FMN1: variants seen among roughly 807,000 people sequenced by gnomAD.
FMN1 encodes the protein formin 1.
A neutral mutation model predicts 132.4 loss-of-function variants in FMN1; 110 were observed. The observed-to-expected ratio is 0.83, with a 90% CI of 0.71 to 0.97. The LOEUF (loss-of-function observed/expected upper bound fraction) is 0.97. Ranked by LOEUF, FMN1 falls within the 50% of genes least tolerant of loss-of-function variation. The pLI, the probability that FMN1 is intolerant of heterozygous loss-of-function variation, is 0.00. For synonymous variants in FMN1, 722 were observed against 651.7 expected, an observed-to-expected ratio of 1.11 and a Z score of -1.64; for missense variants, 1,792 against 1,705.3, an observed-to-expected ratio of 1.05 and a Z score of -0.90.
intron 5 of FMN1, among the ~76,000 whole-genome samples, chr15:33,077,790 T>C (rs574781507): frequency 0.011 from 1,275 of 110,978 alleles, 8 homozygotes; most frequent in Non-Finnish European, 0.018. Flanking sequence ...TCAAACAAAT[T>C]TACAAAAAAA....
chr15:32,965,659 T>C (rs572682674), intron 8 of FMN1, among the ~76,000 whole-genome samples: 2 of 152,334 alleles, frequency 1.3e-5, no homozygotes, highest in African/African-American at 4.8e-5. Flanking sequence ...TGTTCACACT[T>C]TGCAATAGAT....
intron 16 of FMN1, among the ~76,000 whole-genome samples, chr15:32,886,075 T>C (rs1021902310): frequency 2.6e-5 from 4 of 152,166 alleles, no homozygotes; most frequent in African/African-American, 9.7e-5. Context: ...AACGTTAAGA[T>C]GAAACGGACC....
chr15:33,154,533 G>A lies in FMN1; in HGVS notation c.382C>T (p.Pro128Ser), dbSNP rs558962614. The A allele has an allele frequency of 1.0e-4, 160 of 1,536,088 alleles. No homozygotes were observed. The African/African-American group carries it at 2.0e-3, about 19-fold the overall frequency. ...KLQELSVSLA[P>S]EDDCFQSAGD... ...GCACTCTGGAAACAGTCATCCTCGG[G>A]GGCCAGGCTCACGGACAGCTCTTGC... The change falls in exon 4 of 21, where the codon CCC (proline) becomes TCC (serine). Residue 128 changes from proline to serine, a missense_variant. Transcript: ENST00000616417.
At position 32,766,475 on chromosome 15, in the gene FMN1, G is replaced by A. The variant is rs1306575183; in HGVS notation, c.*7835C>T. Reference sequence around the variant, plus strand: ...GATGTACAAATTTATCAAGAGAATGGCCTTAATTAGTTTAAGGTAAAATCT... The same window carrying A: ...GATGTACAAATTTATCAAGAGAATGACCTTAATTAGTTTAAGGTAAAATCT... On this transcript the variant is annotated 3_prime_UTR_variant, in exon 21 of 21. Transcript: ENST00000616417. 3 of 152,110 alleles carry A rather than the reference G, an allele frequency of 2.0e-5. No homozygotes were observed. Among genetic ancestry groups the A allele is most frequent in the African/African-American group, 7.2e-5 (3 of 41,478 alleles). 9.4% of individuals were successfully genotyped at this position (152,110 alleles called of 1,614,324 possible). A position where few individuals can be genotyped will look rare whatever the true frequency, so the allele number is the denominator to read the frequency against.
intron 5 of FMN1, among the ~76,000 whole-genome samples, chr15:33,085,777 C>T (rs989292720): frequency 3.9e-5 from 6 of 151,930 alleles, no homozygotes; most frequent in Admixed American, 1.3e-4. Flanking sequence ...TTTGTAGTCA[C>T]GCTATTTTAT....
chr15:33,024,690 A>G (rs1296034424), intron 6 of FMN1, among the ~76,000 whole-genome samples: 1 of 152,256 alleles, frequency 6.6e-6, no homozygotes, highest in African/African-American at 2.4e-5. Context: ...AAAGGCGCAC[A>G]TAAGTAAAAT....
At chr15:33,048,120 A>G (rs1283891550) in intron 6 of FMN1, among the ~76,000 whole-genome samples, 2 of 116,558 alleles carry the variant, frequency 1.7e-5, no homozygotes, top group African/African-American at 6.3e-5. Flanking sequence ...GGGTAAAATA[A>G]AAATGTCTTC....
chr15:33,155,841 G>C (rs1287110665), intron 3 of FMN1, among the ~76,000 whole-genome samples: 1 of 152,260 alleles, frequency 6.6e-6, no homozygotes, highest in South Asian at 2.1e-4. Flanking sequence ...AGTGAAGGTG[G>C]CTGCTTCCTT....
intron 9 of FMN1, among the ~76,000 whole-genome samples, chr15:32,962,418 G>C (rs2140582687): frequency 6.6e-6 from 1 of 151,986 alleles, no homozygotes; most frequent in East Asian, 1.9e-4. Context: ...TTACCATTCA[G>C]GACATAGGCA....
intron 17 of FMN1, among the ~76,000 whole-genome samples, chr15:32,814,920 C>A (rs1217497379): frequency 1.4e-5 from 2 of 146,778 alleles, no homozygotes; most frequent in Non-Finnish European, 3.0e-5. Context: ...TGGTAATAGG[C>A]TGCATGTTTA....
chr15:32,801,656 G>A lies in FMN1; in HGVS notation c.3980+2625C>T, dbSNP rs900739793. Among the ~76,000 whole-genome samples the A allele has an allele frequency of 4.6e-5, 7 of 152,078 alleles. 1 individual carries two copies. The highest frequency in any genetic ancestry group is 1.9e-4 in the East Asian group (1 of 5,192). Reference sequence around the variant, plus strand: ...ACAAACAAAAAAAAATTATTCAGGCGTGGTGGTAGGCACCTGCAGGCCCAG... The same window carrying A: ...ACAAACAAAAAAAAATTATTCAGGCATGGTGGTAGGCACCTGCAGGCCCAG... On this transcript the variant is annotated intron_variant, in intron 18 of 20. Coordinates refer to ENST00000616417, the MANE Select transcript of FMN1 (RefSeq NM_001277313.2).
intron 3 of FMN1, among the ~76,000 whole-genome samples, chr15:33,163,599 GTTTTGTTTTGTT>G (rs2140305436): frequency 1.7e-5 from 1 of 59,772 alleles, no homozygotes; most frequent in South Asian, 6.5e-4. Flanking sequence ...TGGCTGTTTT[GTTTTGTTTTGTT>G]TTGTTTTGTT....
intron 9 of FMN1, among the ~76,000 whole-genome samples, chr15:32,947,161 C>T (rs557529948): frequency 3.6e-3 from 548 of 152,152 alleles, no homozygotes; most frequent in African/African-American, 0.013. Flanking sequence ...TTAAATGTTT[C>T]CTTTCTCATT....
At chr15:33,009,944 T>C (rs562040535) in intron 6 of FMN1, among the ~76,000 whole-genome samples, 10 of 152,270 alleles carry the variant, frequency 6.6e-5, no homozygotes, top group Non-Finnish European at 2.9e-5. Context: ...TAAAGTGCAA[T>C]GGCACGATCT....
chr15:32,832,101 A>C (rs1314485772), intron 17 of FMN1, among the ~76,000 whole-genome samples: 2 of 152,198 alleles, frequency 1.3e-5, no homozygotes, highest in African/African-American at 4.8e-5. Flanking sequence ...TGTTTTAAAA[A>C]CACCCGTATA....
At chr15:32,787,119 GAAAT>G (rs1157354390) in intron 19 of FMN1, among the ~76,000 whole-genome samples, 2 of 152,102 alleles carry the variant, frequency 1.3e-5, no homozygotes, top group Non-Finnish European at 2.9e-5. Context: ...AAAAGTCAAT[GAAAT>G]AAGTAAAGTC....
At chr15:33,134,434 A>G (rs945178045) in intron 4 of FMN1, among the ~76,000 whole-genome samples, 11 of 152,134 alleles carry the variant, frequency 7.2e-5, no homozygotes, top group African/African-American at 2.7e-4. Context: ...TCTAAATAAA[A>G]AGTGTGTGTT....
rs1039342812 is a variant in FMN1, at chr15:33,080,242, A to C, written c.2043+8557T>G. On this transcript the variant is annotated intron_variant, in intron 5 of 20. Transcript: ENST00000616417. ...CTCTCCATGTAAGCAAAGACACAACAGAGAGCAATCTGTGCATTTACTGAT... is the reference window on the plus strand; with the variant it reads ...CTCTCCATGTAAGCAAAGACACAACCGAGAGCAATCTGTGCATTTACTGAT... Among the ~76,000 whole-genome samples, 4 of 152,250 alleles carry C rather than the reference A, an allele frequency of 2.6e-5. No individual in the cohort carries two copies. The East Asian group carries it at 7.7e-4, about 29-fold the overall frequency.
At chr15:32,843,441 G>A (rs770941536) in intron 17 of FMN1, among the ~76,000 whole-genome samples, 2 of 152,252 alleles carry the variant, frequency 1.3e-5, no homozygotes, top group South Asian at 2.1e-4. Flanking sequence ...CAACGATCAC[G>A]CACATATATT....
Sources: gnomAD v4.1 joint callset for allele counts (sites outside exome capture counted in the v4.1 genomes callset) on GRCh38, gnomAD v4.1.1 for gene constraint, MANE v1.5 for transcripts, NCBI Gene and HGNC (gene_info 2026-07-23, HGNC 2026-07-21) for gene names.